CORIN: variants seen among roughly 807,000 people sequenced by gnomAD.
CORIN encodes the protein corin, serine peptidase.
In CORIN, 117 loss-of-function variants were observed where a neutral mutation model predicts 125.3. That is an observed-to-expected ratio of 0.93 (90% CI 0.80 to 1.09). The LOEUF (loss-of-function observed/expected upper bound fraction) is 1.09. CORIN is among the 50% of genes least tolerant of loss of function. CORIN has a pLI of 0.00. For synonymous variants in CORIN, 450 were observed against 466.4 expected (o/e 0.96, Z 0.45); for missense variants, 1,253 against 1,306.7 (o/e 0.96, Z 0.63).
At position 47,642,428 on chromosome 4, in the gene CORIN, C is replaced by A. The variant is rs190335160; in HGVS notation, c.2069-379G>T. ...TTTCCTTCAAGAAAGTATACGAGAA[C>A]GCAAGTGCGTGAGAGGGATGCAAAT... On this transcript the variant is annotated intron_variant, in intron 15 of 21. Transcript: ENST00000273857. Among the ~76,000 whole-genome samples the A allele has an allele frequency of 8.5e-5, 13 of 152,300 alleles. No homozygotes were observed. In the South Asian group the frequency reaches 2.7e-3, roughly 32 times the overall value.
intron 1 of CORIN, among the ~76,000 whole-genome samples, chr4:47,820,115 A>G (rs1163289210): frequency 6.6e-6 from 1 of 152,174 alleles, no homozygotes; most frequent in African/African-American, 2.4e-5. Context: ...GGAACCATCC[A>G]TGGTTTCAAC....
At chr4:47,832,294 T>G (rs149668042) in intron 1 of CORIN, among the ~76,000 whole-genome samples, 1 of 152,154 alleles carries the variant, frequency 6.6e-6, no homozygotes, top group Non-Finnish European at 1.5e-5. Context: ...GGCCATTTAC[T>G]ATTCAACAAA....
chr4:47,737,587 G>T (rs1176641183), intron 5 of CORIN, among the ~76,000 whole-genome samples: 2 of 152,182 alleles, frequency 1.3e-5, no homozygotes, highest in Non-Finnish European at 2.9e-5. Context: ...TGAGGCTTTG[G>T]TGGGCCTGGA....
intron 10 of CORIN, among the ~76,000 whole-genome samples, chr4:47,668,797 A>G (rs1724596548): frequency 2.0e-5 from 3 of 152,210 alleles, no homozygotes; most frequent in Admixed American, 2.0e-4. Flanking sequence ...AGCCAAGGAA[A>G]AGGAAAGGAT....
Position 47,693,016 on chromosome 4 carries a change from A to G in CORIN, c.867T>C (p.Cys289=), listed in dbSNP as rs1228330754. ...AGTCGTCACAGTCGTTGTAGCCATTACATTGCAGTTTCCCGGGGATGCAGA... is the reference window on the plus strand; with the variant it reads ...AGTCGTCACAGTCGTTGTAGCCATTGCATTGCAGTTTCCCGGGGATGCAGA... The part of the protein sequence containing the change: ...SGICIPGKLQ[C]NGYNDCDDWS... The change falls in exon 6 of 22, where the codon TGT becomes TGC. Residue 289 remains cysteine, a synonymous_variant. Transcript: ENST00000273857. 2 of 1,613,888 alleles carry G rather than the reference A, an allele frequency of 1.2e-6. No homozygotes were observed. Among genetic ancestry groups the G allele is most frequent in the African/African-American group, 2.7e-5 (2 of 74,920 alleles).
At chr4:47,707,596 G>A (rs13122612) in intron 5 of CORIN, among the ~76,000 whole-genome samples, 27,096 of 152,178 alleles carry the variant, frequency 0.18, 3,108 homozygotes, top group Non-Finnish European at 0.26. Context: ...AAAACTACAG[G>A]ACCTTAAGAG....
chr4:47,716,006 C>T (rs765350778), intron 5 of CORIN, among the ~76,000 whole-genome samples: 1 of 152,244 alleles, frequency 6.6e-6, no homozygotes, highest in African/African-American at 2.4e-5. Context: ...AATTTTCAAC[C>T]TCTGAATTTT....
rs1728911393 is a variant in CORIN at position 47,751,711 on chromosome 4, A to G, written c.618-7128T>C. Among the ~76,000 whole-genome samples the G allele has an allele frequency of 2.6e-5, 4 of 152,186 alleles. No homozygotes were observed. In the South Asian group the frequency reaches 8.3e-4, roughly 31 times the overall value. ...ATGCCTTGTAAACTGATCACATTTT[A>G]CAGCAATTTAATTGTGTTTATGTCT... On this transcript the variant is annotated intron_variant, in intron 4 of 21. Transcript: ENST00000273857.
At chr4:47,757,727 C>T (rs28574870) in intron 4 of CORIN, among the ~76,000 whole-genome samples, 8,068 of 151,150 alleles carry the variant, frequency 0.053, 672 homozygotes, top group African/African-American at 0.18. Context: ...GCACACTTAT[C>T]AGGTCAGGGG....
At chr4:47,643,349 T>C (rs1195330207) in intron 14 of CORIN, 93 bp from the exon 15 acceptor site, 3 of 1,182,566 alleles carry the variant, frequency 2.5e-6, no homozygotes, top group South Asian at 3.1e-5. Flanking sequence ...AGCAGGAGCA[T>C]GGAAAGAAGA....
At chr4:47,778,847 T>C (rs1049091813) in intron 3 of CORIN, among the ~76,000 whole-genome samples, 3 of 152,304 alleles carry the variant, frequency 2.0e-5, no homozygotes, top group Admixed American at 6.5e-5. Context: ...CAGTGACTTT[T>C]GGAATATCAC....
rs756803885 is a variant in CORIN, at chr4:47,623,682, G to A, written c.2429C>T (p.Pro810Leu). 1 of 1,614,206 alleles carries A rather than the reference G, an allele frequency of 6.2e-7. No homozygotes were observed. The highest frequency in any genetic ancestry group is 8.5e-7 in the Non-Finnish European group (1 of 1,180,022). The change falls in exon 19 of 22, where the codon CCT becomes CTT. Residue 810 changes from proline (P) to leucine (L), a missense_variant. Physicochemically the swap from Pro to Leu is moderately conservative, Grantham distance 98 (BLOSUM62 -3). Coordinates refer to ENST00000273857, the MANE Select transcript of CORIN (RefSeq NM_006587.4). ...KRILGGRTSR[P>L]GRWPWQCSLQ... ...AGAACACTGCCATGGCCACCTTCCA[G>A]GGCGACTCGTCCGACCTCCAAGGAT... is the stretch of plus-strand genomic sequence containing the variant.
At chr4:47,824,736 T>C (rs1427613178) in intron 1 of CORIN, among the ~76,000 whole-genome samples, 1 of 152,190 alleles carries the variant, frequency 6.6e-6, no homozygotes, top group Non-Finnish European at 1.5e-5. Context: ...ATTAGAGCTG[T>C]GTATCCAAGT....
chr4:47,765,315 A>G lies in CORIN; in HGVS notation c.410-1729T>C, dbSNP rs1448201889. On this transcript the variant is annotated intron_variant, in intron 3 of 21. Coordinates refer to ENST00000273857, the MANE Select transcript of CORIN (RefSeq NM_006587.4). ...GACAGAGCGAGACTCCGTCCCCCAA[A>G]AAAAAAAAAAAAGAATCCTAGGAAT... 2.6e-3 allele frequency among the ~76,000 whole-genome samples: 396 copies of G among 150,652 alleles called. 2 individuals are homozygous for G. The highest frequency in any genetic ancestry group is 3.9e-3 in the Non-Finnish European group (260 of 67,506).
At chr4:47,660,372 A>G (rs1005861645) in intron 12 of CORIN, among the ~76,000 whole-genome samples, 4 of 152,242 alleles carry the variant, frequency 2.6e-5, no homozygotes, top group Non-Finnish European at 5.9e-5. Context: ...TGCAAAGCAA[A>G]GGAAAGTGAA....
chr4:47,757,762 C>A (rs1034650308), intron 4 of CORIN, among the ~76,000 whole-genome samples: 11 of 150,106 alleles, frequency 7.3e-5, no homozygotes, highest in African/African-American at 2.7e-4. Flanking sequence ...CCTAAAAGTG[C>A]CCTGAAAACT....
At chr4:47,748,611 TAC>T (rs753607188) in intron 4 of CORIN, among the ~76,000 whole-genome samples, 2 of 152,192 alleles carry the variant, frequency 1.3e-5, no homozygotes, top group African/African-American at 4.8e-5. Context: ...CCAAAACTTG[TAC>T]AGTTTATCTA....
In CORIN at chr4:47,832,440, C is replaced by CT. The variant is rs201022597; in HGVS notation, c.63+5446dup. ...TTTCTTTTCTTTCTTTCTTTCTTTT[C>CT]TTTTCTTTTTTTTTTTTTTTTTGAG... is the stretch of plus-strand genomic sequence containing the variant. On this transcript the variant is annotated intron_variant, in intron 1 of 21. Coordinates refer to ENST00000273857, the MANE Select transcript of CORIN (RefSeq NM_006587.4). Among the ~76,000 whole-genome samples the CT allele has an allele frequency of 1.3e-3, 171 of 129,274 alleles. 4 individuals are homozygous for CT. The highest frequency in any genetic ancestry group is 1.6e-3 in the Admixed American group (20 of 12,188). 84.8% of individuals were successfully genotyped at this position (129,274 alleles called of 152,430 possible).
intron 19 of CORIN, among the ~76,000 whole-genome samples, chr4:47,608,182 G>A (rs1466201554): frequency 6.6e-6 from 1 of 152,072 alleles, no homozygotes; most frequent in Non-Finnish European, 1.5e-5. Flanking sequence ...TTAGCTAGGT[G>A]TGATGGCAGG....
Sources: allele counts gnomAD v4.1 joint callset (sites outside exome capture counted in the v4.1 genomes callset), GRCh38; gene constraint gnomAD v4.1.1; transcripts MANE v1.5; gene names NCBI Gene and HGNC (gene_info 2026-07-23, HGNC 2026-07-21).